Variants in TNC observed in about 807,000 individuals in gnomAD.
The protein encoded by TNC is tenascin C.
In TNC, 109 loss-of-function variants were observed where a neutral mutation model predicts 202.4. That is an observed-to-expected ratio of 0.54 (90% CI 0.46 to 0.63). The LOEUF is 0.63. Ranked by LOEUF, TNC falls within the 30% of genes least tolerant of loss-of-function variation. The probability of loss-of-function intolerance (pLI) is 0.00; values close to 1 mark genes in which losing one functional copy is unlikely to be tolerated. For synonymous variants in TNC, 1,007 were observed against 1,089.7 expected, an observed-to-expected ratio of 0.92 and a Z score of 1.50; for missense variants, 2,756 against 2,833.3, an observed-to-expected ratio of 0.97 and a Z score of 0.62.
chr9:115,064,164 A>T, intron 11 of TNC, 96 bp from the exon 12 acceptor site: 1 of 1,287,140 alleles, frequency 7.8e-7, no homozygotes, highest in Non-Finnish European at 1.1e-6. Context: ...AATATTACTG[A>T]AAAAATGTGA....
intron 1 of TNC, among the ~76,000 whole-genome samples, chr9:115,117,222 G>C (rs1837534562): frequency 6.6e-6 from 1 of 152,184 alleles, no homozygotes; most frequent in Admixed American, 6.5e-5. Context: ...AAGAACCCCT[G>C]TGTTCTTTCC....
chr9:115,035,937 C>G, intron 21 of TNC, 161 bp downstream of exon 21: 9 of 824,556 alleles, frequency 1.1e-5, no homozygotes, highest in Non-Finnish European at 1.1e-5. Flanking sequence ...TTCTTCAGGC[C>G]TTGACTGAGT....
chr9:115,115,492 T>C (rs1344014799), intron 1 of TNC, among the ~76,000 whole-genome samples: 1 of 152,190 alleles, frequency 6.6e-6, no homozygotes, highest in Non-Finnish European at 1.5e-5. Flanking sequence ...ACAAATATAG[T>C]CCATACCTCA....
intron 10 of TNC, among the ~76,000 whole-genome samples, chr9:115,065,155 G>C (rs762908101): frequency 1.2e-4 from 19 of 152,154 alleles, no homozygotes; most frequent in Non-Finnish European, 2.5e-4. Context: ...CAGCGCTTTG[G>C]GAGGCCAAGG....
chr9:115,050,208 G>T (rs1831541347), intron 15 of TNC, among the ~76,000 whole-genome samples: 1 of 152,118 alleles, frequency 6.6e-6, no homozygotes, highest in Admixed American at 6.6e-5. Context: ...GGCTAATTAG[G>T]CAATCAAGGG....
chr9:115,087,085 A>G lies in TNC; in HGVS notation c.646T>C (p.Cys216Arg). The G allele has an allele frequency of 6.2e-7, 1 of 1,614,238 alleles. No individual in the cohort carries two copies. The highest frequency in any genetic ancestry group is 8.5e-7 in the Non-Finnish European group (1 of 1,180,048). Residue 216 changes from cysteine (C) to arginine (R), a missense_variant, in exon 3 of 28, where the codon TGC (cysteine) becomes CGC (arginine). By Grantham distance (180) the Cys-to-Arg change is radical. Coordinates refer to ENST00000350763, the MANE Select transcript of TNC (RefSeq NM_002160.4). ...ICDDGFTGED[C>R]SQLACPSDCN... is the part of the protein sequence containing the mutation. The stretch of plus-strand genomic sequence containing the variant: ...TCGCTGGGGCAAGCCAGCTGGCTGC[A>G]GTCCTCGCCCGTGAAGCCGTCGTCA...
At chr9:115,102,367 T>G (rs1329769708) in intron 1 of TNC, among the ~76,000 whole-genome samples, 1 of 152,224 alleles carries the variant, frequency 6.6e-6, no homozygotes, top group African/African-American at 2.4e-5. Flanking sequence ...AGCCTGTGGC[T>G]GCTGTGGAGA....
At chr9:115,101,864 C>T (rs369495440) in intron 1 of TNC, among the ~76,000 whole-genome samples, 1 of 151,986 alleles carries the variant, frequency 6.6e-6, no homozygotes, top group East Asian at 1.9e-4. Context: ...TTACAATCAC[C>T]AAATAGTGGT....
At chr9:115,093,058 T>C (rs750415636) in intron 1 of TNC, among the ~76,000 whole-genome samples, 1 of 152,200 alleles carries the variant, frequency 6.6e-6, no homozygotes, top group East Asian at 1.9e-4. Context: ...ATCCTAATGA[T>C]AGAATGCATC....
Position 115,038,380 on chromosome 9 carries a change from G to A in TNC, c.5393C>T (p.Ala1798Val). The A allele has an allele frequency of 9.9e-6, 16 of 1,613,874 alleles. No individual in the cohort carries two copies. The highest frequency in any genetic ancestry group is 2.7e-5 in the African/African-American group (2 of 75,058). ...SEPVSGSFTT[A>V]LDGPSGLVTA... is the part of the protein sequence containing the mutation. ...CACCAGGCCAGATGGGCCATCCAGA[G>A]CTGCAAAGAAAGATGGTGGACAGGA... Residue 1798 changes from alanine to valine, a missense_variant and splice_region_variant, in exon 20 of 28, where the codon GCT becomes GTT. This residue lies in a region of TNC where 2,559 missense variants were observed against 2,546.0 expected (regional missense o/e 1.01). Transcript: ENST00000350763.
At chr9:115,047,916 A>T (rs1324516763) in intron 16 of TNC, among the ~76,000 whole-genome samples, 1 of 152,160 alleles carries the variant, frequency 6.6e-6, no homozygotes, top group African/African-American at 2.4e-5. Context: ...TCATTGGTAT[A>T]TTTCTTTTGA....
intron 22 of TNC, among the ~76,000 whole-genome samples, chr9:115,033,195 G>T (rs1416948711): frequency 6.6e-6 from 1 of 152,152 alleles, no homozygotes; most frequent in Non-Finnish European, 1.5e-5. Flanking sequence ...ACCCTGTCCA[G>T]GACTCTTTTC....
chr9:115,057,175 G>A lies in TNC; in HGVS notation c.4557C>T (p.Thr1519=). 1 of 1,613,428 alleles carries A rather than the reference G, an allele frequency of 6.2e-7. No individual in the cohort carries two copies. Among genetic ancestry groups the A allele is most frequent in the Non-Finnish European group, 8.5e-7 (1 of 1,179,614 alleles). ...TACCTGTCGTGGCTGTGGCACTGAT[G>A]GTTTTGGTCCGGATGCTGGGAGCAA... ...SGLAPSIRTK[T]ISATATTEAL... is the part of the protein sequence containing the mutation. The change falls in exon 15 of 28, where the codon ACC becomes ACT. Residue 1519 remains threonine (T), a synonymous_variant. Coordinates refer to ENST00000350763, the MANE Select transcript of TNC (RefSeq NM_002160.4).
rs1016938116 is a variant in TNC, at chr9:115,021,001, T to C, written c.*156A>G. 3.4e-6 allele frequency: 2 copies of C among 595,958 alleles called. No individual in the cohort carries two copies. Among genetic ancestry groups the C allele is most frequent in the African/African-American group, 1.9e-5 (1 of 53,664 alleles). 36.9% of individuals were successfully genotyped at this position (595,958 alleles called of 1,614,324 possible). On this transcript the variant is annotated 3_prime_UTR_variant, in exon 28 of 28. Coordinates refer to ENST00000350763, the MANE Select transcript of TNC (RefSeq NM_002160.4). ...GAAATCACAGAGGAGGTGAGGCCCA[T>C]GCTGTTGCCGTTGGCCCCAGGGATC...
rs1061495 is a variant in TNC, at chr9:115,042,265, T to C, written c.5202A>G (p.Thr1734=). The C allele has an allele frequency of 0.26, 414,478 of 1,613,764 alleles. 56,989 individuals are homozygous for C. Among genetic ancestry groups the C allele is most frequent in the African/African-American group, 0.48 (36,009 of 74,952 alleles). The change falls in exon 18 of 28, where the codon ACA becomes ACG. Residue 1734 remains threonine, a synonymous_variant. Coordinates refer to ENST00000350763, the MANE Select transcript of TNC (RefSeq NM_002160.4). ...TAATCCGGAAGCTCTCCACTTGGGCTGTGGGTGCCCTCCAGCTGACAGTAG... is the reference window on the plus strand; with the variant it reads ...TAATCCGGAAGCTCTCCACTTGGGCCGTGGGTGCCCTCCAGCTGACAGTAG... ...NSATVSWRAP[T]AQVESFRITY... is the part of the protein sequence containing the mutation.
At position 115,020,216 on chromosome 9, in the gene TNC, T is replaced by TC. The variant is rs1449427181; in HGVS notation, c.*940_*941insG. The TC allele has an allele frequency of 4.7e-5, 7 of 149,468 alleles. No homozygotes were observed. Among genetic ancestry groups the TC allele is most frequent in the Non-Finnish European group, 8.9e-5 (6 of 67,094 alleles). 9.3% of individuals were successfully genotyped at this position (149,468 alleles called of 1,614,324 possible). A position where few individuals can be genotyped will look rare whatever the true frequency, so the allele number is the denominator to read the frequency against. ...CTACCACGCTTGCCTAATTAAATTT[T>TC]TTTTTTTTTTTTTTTCTGTAGAGAC... is the stretch of plus-strand genomic sequence containing the variant. On this transcript the variant is annotated 3_prime_UTR_variant, in exon 28 of 28. Coordinates refer to ENST00000350763, the MANE Select transcript of TNC (RefSeq NM_002160.4).
chr9:115,046,365 C>T, intron 17 of TNC, 45 bp downstream of exon 17: 2 of 1,603,438 alleles, frequency 1.2e-6, no homozygotes, highest in East Asian at 2.2e-5. Flanking sequence ...AAGAAGACCC[C>T]TGAGTCATGA....
intron 10 of TNC, among the ~76,000 whole-genome samples, chr9:115,071,987 T>C (rs1326856354): frequency 6.6e-6 from 1 of 152,126 alleles, no homozygotes; most frequent in Non-Finnish European, 1.5e-5. Context: ...CAATGCAGAG[T>C]CAACAGAATT....
intron 2 of TNC, among the ~76,000 whole-genome samples, chr9:115,087,527 G>GATGTGTGT (rs1225588082): frequency 8.7e-5 from 13 of 148,842 alleles, no homozygotes; most frequent in African/African-American, 2.7e-4. Flanking sequence ...TATGCATAGG[G>GATGTGTGT]GTGTGTGTGT....
Sources: gnomAD v4.1 joint callset for allele counts (sites outside exome capture counted in the v4.1 genomes callset) on GRCh38, gnomAD v4.1.1 for gene constraint, gnomAD v4.1.1 regional missense constraint, MANE v1.5 for transcripts, NCBI Gene and HGNC (gene_info 2026-07-23, HGNC 2026-07-21) for gene names.